CYP4F8: variants seen among roughly 807,000 people sequenced by gnomAD.
The protein encoded by CYP4F8 is cytochrome P450 4F8.
Under a neutral mutation model 55.0 loss-of-function variants are expected in CYP4F8, and 56 were observed. That is an observed-to-expected ratio of 1.02 (90% CI 0.82 to 1.27). The LOEUF (loss-of-function observed/expected upper bound fraction) is 1.27. Among genes scored for constraint, CYP4F8 ranks in the 50% most tolerant of loss-of-function variants. The pLI, the probability that CYP4F8 is intolerant of heterozygous loss-of-function variation, is 0.00. For missense variants in CYP4F8, 680 were observed against 682.4 expected, an observed-to-expected ratio of 1.00 and a Z score of 0.04; for synonymous variants, 288 against 267.3, an observed-to-expected ratio of 1.08 and a Z score of -0.76.
intron 9 of CYP4F8, 126 bp from the exon 10 acceptor site, chr19:15,628,176 A>G (rs2144612527): frequency 2.1e-6 from 3 of 1,431,304 alleles, no homozygotes; most frequent in East Asian, 2.3e-5. Context: ...TAATGCTTAC[A>G]TCTTTGTTGC....
At chr19:15,620,493 C>A (rs1411182575) in intron 5 of CYP4F8, among the ~76,000 whole-genome samples, 1 of 152,144 alleles carries the variant, frequency 6.6e-6, no homozygotes, top group African/African-American at 2.4e-5. Flanking sequence ...CCGCCTCAAG[C>A]AATTCTCCTG....
Position 15,628,615 on chromosome 19 carries a change from C to T in CYP4F8, c.1314+20C>T. On this transcript the variant is annotated intron_variant, in intron 11 of 12. Transcript: ENST00000612078. Reference sequence around the variant, plus strand: ...CCTGAGGTGCTGCCCCTCCCTGTTTCTCCATCCCCCGGGCCTGGTCGGGGG... The same window carrying T: ...CCTGAGGTGCTGCCCCTCCCTGTTTTTCCATCCCCCGGGCCTGGTCGGGGG... The T allele has an allele frequency of 6.2e-6, 10 of 1,612,136 alleles. No homozygotes were observed. Among genetic ancestry groups the T allele is most frequent in the Non-Finnish European group, 8.5e-6 (10 of 1,178,938 alleles).
At chr19:15,619,891 C>A in intron 5 of CYP4F8, 129 bp downstream of exon 5, 2 of 1,196,866 alleles carry the variant, frequency 1.7e-6, no homozygotes, top group Non-Finnish European at 2.3e-6. Context: ...GCCTTGATTT[C>A]CCCATGAGGC....
rs534915949 is a variant in CYP4F8 at position 15,629,707 on chromosome 19, G to A, written c.*349G>A. 3 of 216,404 alleles carry A rather than the reference G, an allele frequency of 1.4e-5. No individual in the cohort carries two copies. In the Admixed American group the frequency reaches 1.6e-4, roughly 12 times the overall value. The allele number at this position is 216,404 out of a possible 1,614,324, so 13.4% of individuals were successfully genotyped here. On this transcript the variant is annotated 3_prime_UTR_variant, in exon 13 of 13. Transcript: ENST00000612078. The stretch of plus-strand genomic sequence containing the variant: ...CTGTTTTTTAGCTAGGTGCATAGCA[G>A]CCTGAAATACAGATCACATTTGAAA...
intron 1 of CYP4F8, 148 bp from the exon 2 acceptor site, chr19:15,615,468 C>T (rs1599854010): frequency 2.5e-6 from 2 of 811,046 alleles, no homozygotes; most frequent in Non-Finnish European, 3.7e-6. Flanking sequence ...TGTCACTTCT[C>T]CTCTCCCCTC....
intron 11 of CYP4F8, 57 bp downstream of exon 11, chr19:15,628,652 C>G (rs1355091837): frequency 6.2e-7 from 1 of 1,607,010 alleles, no homozygotes; most frequent in African/African-American, 1.3e-5. Flanking sequence ...GGGGTCTTGT[C>G]CCGGAAAACC....
At position 15,618,588 on chromosome 19, in the gene CYP4F8, A is replaced by AT. The variant is rs549913948; in HGVS notation, c.343+454dup. The AT allele has an allele frequency of 9.2e-3, 2,714 of 296,194 alleles. 10 individuals are homozygous for AT. Among genetic ancestry groups the AT allele is most frequent in the South Asian group, 0.024 (809 of 33,550 alleles). 18.3% of individuals were successfully genotyped at this position (296,194 alleles called of 1,614,324 possible). A position where few individuals can be genotyped will look rare whatever the true frequency, so the allele number is the denominator to read the frequency against. ...GCTGGGTGTGGAACGATGAGTGATAATTTTTTTTTTAAAGCAGGGGCAGGG... is the reference window on the plus strand; with the variant it reads ...GCTGGGTGTGGAACGATGAGTGATAATTTTTTTTTTTAAAGCAGGGGCAGGG... On this transcript the variant is annotated intron_variant, in intron 3 of 12. Coordinates refer to ENST00000612078, the MANE Select transcript of CYP4F8 (RefSeq NM_007253.4).
intron 3 of CYP4F8, chr19:15,618,602 G>A (rs149785498): frequency 4.6e-5 from 15 of 327,280 alleles, no homozygotes; most frequent in Admixed American, 1.3e-4. Context: ...TTTTTTTAAA[G>A]CAGGGGCAGG....
rs746792419 is a variant in CYP4F8 at position 15,619,491 on chromosome 19, T to C, written c.345T>C (p.Asp115=). ...DIVRSVINTS[D]AITDKDIVFY... ...CCTGATGGTCCTCATTCATGTCAGA[T>C]GCCATTACAGACAAGGACATAGTCT... The change falls in exon 4 of 13, where the codon GAT becomes GAC. Residue 115 remains aspartate, a splice_region_variant and synonymous_variant. Transcript: ENST00000612078. 1.9e-6 allele frequency: 3 copies of C among 1,614,130 alleles called. No individual in the cohort carries two copies. The highest frequency in any genetic ancestry group is 3.3e-5 in the Admixed American group (2 of 60,026).
At chr19:15,628,653 C>G (rs953447110) in intron 11 of CYP4F8, 58 bp downstream of exon 11, 1 of 1,607,126 alleles carries the variant, frequency 6.2e-7, no homozygotes, top group Non-Finnish European at 8.5e-7. Flanking sequence ...GGGTCTTGTC[C>G]CGGAAAACCA....
At chr19:15,628,505 T>C (rs2056821) in intron 10 of CYP4F8, 26 bp from the exon 11 acceptor site, 1,184,612 of 1,613,328 alleles carry the variant, frequency 0.73, 435,868 homozygotes, top group Admixed American at 0.79. Context: ...CGGACCTTGT[T>C]CTTACTGTCC....
chr19:15,628,473 G>T, intron 10 of CYP4F8, 38 bp downstream of exon 10: 1 of 1,613,516 alleles, frequency 6.2e-7, no homozygotes, highest in African/African-American at 1.3e-5. Flanking sequence ...CCTGGGCAGG[G>T]CGGTGGTCCC....
intron 7 of CYP4F8, 141 bp from the exon 8 acceptor site, chr19:15,623,558 A>G: frequency 1.0e-6 from 1 of 993,226 alleles, no homozygotes; most frequent in Non-Finnish European, 1.4e-6. Flanking sequence ...AAGAACAAAC[A>G]GGAGGTCGGA....
Position 15,629,243 on chromosome 19 carries a change from C to T in CYP4F8, c.1448C>T (p.Ala483Val), listed in dbSNP as rs1172453123. The T allele has an allele frequency of 1.2e-6, 2 of 1,613,168 alleles. No homozygotes were observed. Among genetic ancestry groups the T allele is most frequent in the South Asian group, 1.1e-5 (1 of 90,868 alleles). Residue 483 changes from alanine (A) to valine (V), a missense_variant, in exon 13 of 13, where the codon GCG (alanine) becomes GTG (valine). Ala to Val is a moderately conservative substitution (Grantham distance 64). Coordinates refer to ENST00000612078, the MANE Select transcript of CYP4F8 (RefSeq NM_007253.4). ...FAMAEMKVVL[A>V]LTLLRFRILP... ...ATGGCAGAGATGAAGGTGGTCCTGG[C>T]GCTCACGCTGCTGCGCTTCCGCATC...
rs1252315153 is a variant in CYP4F8 at position 15,623,405 on chromosome 19, G to A, written c.918+30G>A. ...GCCTCTCTGGGATCTGAATTCAAGA[G>A]GTAAAATGGAGCTTCAGGTCAAATG... On this transcript the variant is annotated intron_variant, in intron 7 of 12. Transcript: ENST00000612078. 5 of 1,607,074 alleles carry A rather than the reference G, an allele frequency of 3.1e-6. No homozygotes were observed. In the South Asian group the frequency reaches 5.5e-5, roughly 18 times the overall value.
At position 15,618,136 on chromosome 19, in the gene CYP4F8, A is replaced by G. The variant is rs1447201096; in HGVS notation, c.335A>G (p.Asn112Ser). The G allele has an allele frequency of 1.5e-5, 25 of 1,614,044 alleles. No individual in the cohort carries two copies. Among genetic ancestry groups the G allele is most frequent in the African/African-American group, 2.7e-5 (2 of 75,010 alleles). ...CCTGACATCGTCCGATCTGTCATCA[A>G]TACCTCAGGTACTCCTGCAGAGCTT... Reference protein sequence around the residue: ...CHPDIVRSVINTSDAITDKDI... With the variant: ...CHPDIVRSVISTSDAITDKDI... The change falls in exon 3 of 13, where the codon AAT becomes AGT. Residue 112 changes from asparagine to serine, a missense_variant. Physicochemically the swap from Asn to Ser is conservative, Grantham distance 46 (BLOSUM62 1). Coordinates refer to ENST00000612078, the MANE Select transcript of CYP4F8 (RefSeq NM_007253.4).
In CYP4F8 at chr19:15,629,322, G is replaced by A. The variant is rs1194013245; in HGVS notation, c.1527G>A (p.Glu509=). ...RRTPEIVLRA[E]DGLWLRVEPL... is the part of the protein sequence containing the mutation. ...CGCCGGAGATTGTTTTGCGTGCGGA[G>A]GACGGACTTTGGCTGCGAGTAGAAC... Residue 509 remains glutamate (E), a synonymous_variant, in exon 13 of 13, where the codon GAG becomes GAA. Coordinates refer to ENST00000612078, the MANE Select transcript of CYP4F8 (RefSeq NM_007253.4). 2 of 1,612,596 alleles carry A rather than the reference G, an allele frequency of 1.2e-6. No homozygotes were observed. Among genetic ancestry groups the A allele is most frequent in the African/African-American group, 1.3e-5 (1 of 74,902 alleles).
chr19:15,628,573 C>T lies in CYP4F8; in HGVS notation c.1292C>T (p.Pro431Leu), dbSNP rs764280099. The T allele has an allele frequency of 2.5e-6, 4 of 1,613,922 alleles. No individual in the cohort carries two copies. In the South Asian group the frequency reaches 3.3e-5, roughly 13 times the overall value. Residue 431 changes from proline to leucine, a missense_variant, in exon 11 of 13, where the codon CCC becomes CTC. Pro to Leu is a moderately conservative substitution (Grantham distance 98). Transcript: ENST00000612078. ...NINIFAIHHN[P>L]SVWPDPEVYD... is the part of the protein sequence containing the mutation. ...AACATCTTCGCAATCCATCACAACC[C>T]CTCAGTCTGGCCAGACCCTGAGGTG...
At chr19:15,624,489 G>A (rs965146204) in intron 9 of CYP4F8, among the ~76,000 whole-genome samples, 1 of 152,056 alleles carries the variant, frequency 6.6e-6, no homozygotes, top group Non-Finnish European at 1.5e-5. Context: ...TCTTATCAAC[G>A]CGTGTTTTTA....
Sources: allele counts gnomAD v4.1 joint callset (sites outside exome capture counted in the v4.1 genomes callset), GRCh38; gene constraint gnomAD v4.1.1; transcripts MANE v1.5; gene names NCBI Gene and HGNC (gene_info 2026-07-23, HGNC 2026-07-21).